Variants in CPNE4 observed in about 807,000 individuals in gnomAD.
CPNE4 encodes copine 4.
In CPNE4, 25 loss-of-function variants were observed where a neutral mutation model predicts 67.9. The ratio of observed to expected loss-of-function variants is 0.37; its 90% CI spans 0.27 to 0.51. The LOEUF is 0.51. Among genes scored for constraint, CPNE4 ranks in the 20% least tolerant of loss-of-function variants. The probability of loss-of-function intolerance (pLI) is 0.93; values close to 1 mark genes in which losing one functional copy is unlikely to be tolerated. For missense variants in CPNE4, 464 were observed against 690.8 expected, an observed-to-expected ratio of 0.67 and a Z score of 3.68; for synonymous variants, 242 against 244.9, an observed-to-expected ratio of 0.99 and a Z score of 0.11.
intron 2 of CPNE4, among the ~76,000 whole-genome samples, chr3:131,826,787 T>C (rs1166359007): frequency 1.3e-5 from 2 of 152,170 alleles, no homozygotes; most frequent in East Asian, 3.8e-4. Flanking sequence ...ATACCAACAT[T>C]TTGGTAGGCT....
chr3:131,696,498 A>G, intron 5 of CPNE4, 44 bp downstream of exon 5: 1 of 1,551,794 alleles, frequency 6.4e-7, no homozygotes. Flanking sequence ...ACTGTGTGCT[A>G]GCTTTGTTAC....
chr3:131,905,857 A>G (rs2088728742), intron 1 of CPNE4, among the ~76,000 whole-genome samples: 1 of 152,164 alleles, frequency 6.6e-6, no homozygotes, highest in Non-Finnish European at 1.5e-5. Context: ...CTAAAAATCC[A>G]ACTCAACTCC....
At chr3:131,706,175 GC>G (rs2081409699) in intron 3 of CPNE4, among the ~76,000 whole-genome samples, 1 of 152,306 alleles carries the variant, frequency 6.6e-6, no homozygotes, top group Admixed American at 6.5e-5. Context: ...GTCAGAAGAT[GC>G]TTGAAGGAAT....
chr3:131,536,037 A>G (rs1395898508), intron 15 of CPNE4, among the ~76,000 whole-genome samples: 1 of 152,140 alleles, frequency 6.6e-6, no homozygotes, highest in Non-Finnish European at 1.5e-5. Context: ...ATGGCATTTG[A>G]CCATCATAGG....
chr3:131,655,300 C>A (rs945395541), intron 7 of CPNE4, among the ~76,000 whole-genome samples: 3 of 152,136 alleles, frequency 2.0e-5, no homozygotes, highest in Non-Finnish European at 2.9e-5. Flanking sequence ...TTTCAACAAG[C>A]CTTCCTGGAG....
intron 2 of CPNE4, among the ~76,000 whole-genome samples, chr3:131,868,134 AG>A (rs979941138): frequency 5.9e-5 from 9 of 152,294 alleles, no homozygotes; most frequent in African/African-American, 2.2e-4. Flanking sequence ...CAGATGATGG[AG>A]GTAGCAAAGA....
At chr3:131,769,061 A>G (rs1431136769) in intron 2 of CPNE4, among the ~76,000 whole-genome samples, 1 of 152,180 alleles carries the variant, frequency 6.6e-6, no homozygotes, top group Non-Finnish European at 1.5e-5. Context: ...GGGTTCATCC[A>G]TTCGTGCTGT....
chr3:131,993,169 T>C (rs544892227), intron 1 of CPNE4, among the ~76,000 whole-genome samples: 2 of 135,484 alleles, frequency 1.5e-5, no homozygotes, highest in East Asian at 4.8e-4. Flanking sequence ...AATAAGGAGT[T>C]AGGTCCATAA....
intron 3 of CPNE4, among the ~76,000 whole-genome samples, chr3:131,702,903 A>G (rs2081335571): frequency 6.6e-6 from 1 of 152,238 alleles, no homozygotes; most frequent in South Asian, 2.1e-4. Context: ...TTCTTAGGAA[A>G]TGGGCATTTG....
At chr3:131,919,307 G>A (rs891890002) in intron 1 of CPNE4, among the ~76,000 whole-genome samples, 2 of 152,268 alleles carry the variant, frequency 1.3e-5, no homozygotes, top group African/African-American at 2.4e-5. Context: ...GCAACATGCA[G>A]CCTAAGAAAA....
At chr3:131,843,502 A>G (rs939352964) in intron 2 of CPNE4, among the ~76,000 whole-genome samples, 17 of 152,228 alleles carry the variant, frequency 1.1e-4, no homozygotes, top group African/African-American at 4.1e-4. Context: ...TAAGCAATTC[A>G]ACACATTTTA....
At chr3:131,780,354 G>T (rs1306006225) in intron 2 of CPNE4, among the ~76,000 whole-genome samples, 2 of 152,054 alleles carry the variant, frequency 1.3e-5, no homozygotes, top group African/African-American at 4.8e-5. Context: ...AATATAAATT[G>T]TTCTATCATA....
chr3:131,657,742 G>A (rs1340550610), intron 7 of CPNE4, among the ~76,000 whole-genome samples: 1 of 133,828 alleles, frequency 7.5e-6, no homozygotes, highest in Non-Finnish European at 1.7e-5. Context: ...GTGTGTGTGT[G>A]TTTAGTAGAA....
At chr3:131,868,758 A>C (rs1459341148) in intron 2 of CPNE4, among the ~76,000 whole-genome samples, 3 of 152,144 alleles carry the variant, frequency 2.0e-5, no homozygotes, top group Non-Finnish European at 4.4e-5. Context: ...GGCAGGTGTA[A>C]GCTGAAAGAC....
intron 2 of CPNE4, among the ~76,000 whole-genome samples, chr3:131,805,134 C>T (rs752163469): frequency 2.0e-5 from 3 of 152,150 alleles, no homozygotes; most frequent in Non-Finnish European, 4.4e-5. Flanking sequence ...CATTCCCATC[C>T]AATCAGCCCA....
intron 2 of CPNE4, among the ~76,000 whole-genome samples, chr3:131,788,512 A>G (rs1583199251): frequency 6.6e-6 from 1 of 152,268 alleles, no homozygotes; most frequent in Admixed American, 6.5e-5. Context: ...CTCAATGTTG[A>G]CAAAGGTTGG....
In CPNE4 at chr3:131,954,883, T is replaced by G. The variant is rs574857555; in HGVS notation, c.-1-49439A>C. Among the ~76,000 whole-genome samples, 8 of 151,708 alleles carry G rather than the reference T, an allele frequency of 5.3e-5. No homozygotes were observed. The East Asian group carries it at 1.6e-3, about 30-fold the overall frequency. On this transcript the variant is annotated intron_variant, in intron 1 of 15. Coordinates refer to ENST00000429747, the MANE Select transcript of CPNE4 (RefSeq NM_130808.3). ...GTGTATATATGCCACATTTTCTTAATCCAGTCTATCATTGATGGACATTTG... is the reference window on the plus strand; with the variant it reads ...GTGTATATATGCCACATTTTCTTAAGCCAGTCTATCATTGATGGACATTTG...
intron 1 of CPNE4, among the ~76,000 whole-genome samples, chr3:131,930,721 C>T (rs1301601586): frequency 6.6e-6 from 1 of 152,074 alleles, no homozygotes; most frequent in Admixed American, 6.6e-5. Flanking sequence ...TGAAAAGTTC[C>T]CAATTATATG....
At chr3:131,633,228 A>C (rs1442703182) in intron 7 of CPNE4, among the ~76,000 whole-genome samples, 1 of 152,112 alleles carries the variant, frequency 6.6e-6, no homozygotes, top group Non-Finnish European at 1.5e-5. Context: ...CCATTCTACC[A>C]TCATTTCTTG....
Sources: allele counts gnomAD v4.1 joint callset (sites outside exome capture counted in the v4.1 genomes callset), GRCh38; gene constraint gnomAD v4.1.1; transcripts MANE v1.5; gene names NCBI Gene and HGNC (gene_info 2026-07-23, HGNC 2026-07-21).